Variants in DPYD observed in about 807,000 individuals in gnomAD.
The protein encoded by DPYD is dihydropyrimidine dehydrogenase [NADP(+)].
DPYD carries 109 observed loss-of-function variants against 116.2 expected under a neutral mutation model. The ratio of observed to expected loss-of-function variants is 0.94; its 90% CI spans 0.80 to 1.10. The LOEUF is 1.10. Ranked by LOEUF, DPYD falls within the 50% of genes least tolerant of loss-of-function variation. The probability of loss-of-function intolerance (pLI) is 0.00; values close to 1 mark genes in which losing one functional copy is unlikely to be tolerated. For missense variants in DPYD, 1,302 were observed against 1,254.5 expected (o/e 1.04, Z -0.57); for synonymous variants, 440 against 432.0 (o/e 1.02, Z -0.23).
intron 14 of DPYD, among the ~76,000 whole-genome samples, chr1:97,411,920 A>G (rs1181027360): frequency 6.6e-6 from 1 of 152,198 alleles, no homozygotes; most frequent in Non-Finnish European, 1.5e-5. Context: ...AATTCATATT[A>G]CCTGTTTAAA....
intron 5 of DPYD, among the ~76,000 whole-genome samples, chr1:97,704,915 A>G (rs946605321): frequency 6.6e-6 from 1 of 152,062 alleles, no homozygotes; most frequent in Non-Finnish European, 1.5e-5. Context: ...AATGAAAAGT[A>G]TACTTAATAT....
chr1:97,554,738 G>C (rs1314735239), intron 11 of DPYD, among the ~76,000 whole-genome samples: 1 of 152,090 alleles, frequency 6.6e-6, no homozygotes, highest in African/African-American at 2.4e-5. Flanking sequence ...GATGGCTTGA[G>C]CTTTGTCTTC....
chr1:97,825,021 C>T (rs1974204), intron 3 of DPYD, among the ~76,000 whole-genome samples: 116,412 of 152,034 alleles, frequency 0.77, 44,984 homozygotes, highest in East Asian at 0.98. Flanking sequence ...CACCTGAAAA[C>T]CCAAATCTTC....
intron 13 of DPYD, among the ~76,000 whole-genome samples, chr1:97,471,954 T>G (rs1445312006): frequency 6.6e-6 from 1 of 152,166 alleles, no homozygotes; most frequent in Non-Finnish European, 1.5e-5. Context: ...TAGAAAACTT[T>G]AAGTGGAAAA....
At chr1:97,569,962 G>A (rs1652780832) in intron 11 of DPYD, among the ~76,000 whole-genome samples, 1 of 151,810 alleles carries the variant, frequency 6.6e-6, no homozygotes, top group Non-Finnish European at 1.5e-5. Context: ...TAGTGGCAAC[G>A]AAATAATTAG....
intron 3 of DPYD, among the ~76,000 whole-genome samples, chr1:97,819,022 T>A (rs958048120): frequency 6.6e-6 from 1 of 151,978 alleles, no homozygotes; most frequent in East Asian, 1.9e-4. Context: ...GGCAGGTGCA[T>A]GATTATGTAA....
At chr1:97,823,414 T>C (rs1461859296) in intron 3 of DPYD, among the ~76,000 whole-genome samples, 1 of 152,156 alleles carries the variant, frequency 6.6e-6, no homozygotes, top group Non-Finnish European at 1.5e-5. Flanking sequence ...CTCACGTTAT[T>C]TTAAAGTATA....
At chr1:97,292,703 C>T (rs1383815062) in intron 18 of DPYD, among the ~76,000 whole-genome samples, 10 of 116,896 alleles carry the variant, frequency 8.6e-5, no homozygotes, top group Admixed American at 2.0e-4. Flanking sequence ...CATGCGTGCA[C>T]GCGCGCGCAC....
At chr1:97,235,755 ACT>A (rs1661874636) in intron 18 of DPYD, among the ~76,000 whole-genome samples, 1 of 151,976 alleles carries the variant, frequency 6.6e-6, no homozygotes. Context: ...GCGAACATAG[ACT>A]CTGTAAAAAA....
intron 2 of DPYD, among the ~76,000 whole-genome samples, chr1:97,840,148 T>C (rs2101530767): frequency 6.6e-6 from 1 of 152,242 alleles, no homozygotes; most frequent in Admixed American, 6.5e-5. Flanking sequence ...GATAAAGCTA[T>C]AGTGGATTTT....
intron 5 of DPYD, among the ~76,000 whole-genome samples, chr1:97,713,512 T>C (rs1293366574): frequency 6.6e-6 from 1 of 152,130 alleles, no homozygotes; most frequent in Non-Finnish European, 1.5e-5. Context: ...TTATAAATCA[T>C]TGTGCCAGTA....
intron 12 of DPYD, among the ~76,000 whole-genome samples, chr1:97,522,130 C>T (rs1029302464): frequency 3.3e-5 from 5 of 152,072 alleles, no homozygotes; most frequent in Non-Finnish European, 7.4e-5. Flanking sequence ...ACCTACAGAA[C>T]AGGAGAAGAT....
intron 2 of DPYD, among the ~76,000 whole-genome samples, chr1:97,852,845 T>C (rs999170510): frequency 2.0e-5 from 3 of 152,178 alleles, no homozygotes; most frequent in Non-Finnish European, 2.9e-5. Context: ...ATACACATTT[T>C]CCTCATTATA....
At chr1:97,637,922 T>C (rs1180982179) in intron 8 of DPYD, among the ~76,000 whole-genome samples, 2 of 152,140 alleles carry the variant, frequency 1.3e-5, no homozygotes, top group African/African-American at 4.8e-5. Flanking sequence ...AGGTCTCTTT[T>C]GCTTGAAGGG....
intron 1 of DPYD, among the ~76,000 whole-genome samples, chr1:97,892,974 T>C (rs1266978439): frequency 6.6e-6 from 1 of 151,820 alleles, no homozygotes; most frequent in Non-Finnish European, 1.5e-5. Flanking sequence ...AAAATGGTGA[T>C]TAGTAATAGT....
intron 13 of DPYD, among the ~76,000 whole-genome samples, chr1:97,474,957 A>G (rs1461988079): frequency 6.6e-6 from 1 of 152,124 alleles, no homozygotes; most frequent in Non-Finnish European, 1.5e-5. Flanking sequence ...TAGAAAAGTT[A>G]AGAAAATGTA....
chr1:97,430,865 T>G (rs541033647), intron 14 of DPYD, among the ~76,000 whole-genome samples: 33 of 152,098 alleles, frequency 2.2e-4, no homozygotes, highest in Non-Finnish European at 4.4e-4. Flanking sequence ...CTATATCAAT[T>G]TGTAAACATT....
At chr1:97,293,053 T>C (rs1666312445) in intron 18 of DPYD, among the ~76,000 whole-genome samples, 1 of 152,296 alleles carries the variant, frequency 6.6e-6, no homozygotes, top group South Asian at 2.1e-4. Flanking sequence ...ATATGTTTCT[T>C]TGTGTTATTT....
chr1:97,430,498 T>A (rs1239460783), intron 14 of DPYD, among the ~76,000 whole-genome samples: 1 of 152,004 alleles, frequency 6.6e-6, no homozygotes, highest in South Asian at 2.1e-4. Context: ...ATAGATTATT[T>A]AGCATGCTTG....
Sources: allele counts gnomAD v4.1 joint callset (sites outside exome capture counted in the v4.1 genomes callset), GRCh38; gene constraint gnomAD v4.1.1; transcripts MANE v1.5; gene names NCBI Gene and HGNC (gene_info 2026-07-23, HGNC 2026-07-21).